The following ERI1 variants were observed in gnomAD, a reference collection of about 807,000 sequenced individuals.
The protein encoded by ERI1 is exoribonuclease 1.
Under a neutral mutation model 39.7 loss-of-function variants are expected in ERI1, and 39 were observed. The observed-to-expected ratio is 0.98, with a 90% CI of 0.76 to 1.28. The LOEUF is 1.28. Among genes scored for constraint, ERI1 ranks in the 50% most tolerant of loss-of-function variants. The pLI is 0.00. For synonymous variants in ERI1, 204 were observed against 149.6 expected, an observed-to-expected ratio of 1.36 and a Z score of -2.65; for missense variants, 581 against 416.9, an observed-to-expected ratio of 1.39 and a Z score of -3.43.
intron 3 of ERI1, among the ~76,000 whole-genome samples, chr8:9,099,027 G>T (rs1027589906): frequency 5.9e-4 from 89 of 152,038 alleles, no homozygotes; most frequent in Admixed American, 1.8e-3. Context: ...TAGAGACAGG[G>T]TTTCACCATT....
intron 6 of ERI1, among the ~76,000 whole-genome samples, chr8:9,023,140 G>C (rs1444648394): frequency 6.6e-6 from 1 of 151,990 alleles, no homozygotes; most frequent in Non-Finnish European, 1.5e-5. Flanking sequence ...GATATGTTTG[G>C]TATGTTAATA....
chr8:9,021,020 C>A, intron 6 of ERI1, among the ~76,000 whole-genome samples: 1 of 152,188 alleles, frequency 6.6e-6, no homozygotes, highest in East Asian at 1.9e-4. Flanking sequence ...AATTCCTGCC[C>A]TGAAAGATCA....
chr8:9,087,502 C>T (rs1278925939), intron 3 of ERI1, among the ~76,000 whole-genome samples: 1 of 150,960 alleles, frequency 6.6e-6, no homozygotes, highest in Non-Finnish European at 1.5e-5. Flanking sequence ...ACCTTAGGCC[C>T]ACCTCGGCCT....
At chr8:9,019,910 T>C (rs1281369946) in intron 5 of ERI1, among the ~76,000 whole-genome samples, 1 of 152,212 alleles carries the variant, frequency 6.6e-6, no homozygotes, top group African/African-American at 2.4e-5. Context: ...ATAAATTGGT[T>C]AGTGTTATAG....
intron 3 of ERI1, among the ~76,000 whole-genome samples, chr8:9,051,208 C>T (rs1349357947): frequency 6.6e-6 from 1 of 151,320 alleles, no homozygotes; most frequent in Non-Finnish European, 1.5e-5. Flanking sequence ...TTATTTCTTA[C>T]AGTATGGTGG....
At chr8:9,043,485 C>T (rs768087674) in intron 3 of ERI1, among the ~76,000 whole-genome samples, 6 of 152,250 alleles carry the variant, frequency 3.9e-5, no homozygotes, top group Admixed American at 6.5e-5. Flanking sequence ...AGTTCAGGAA[C>T]ATCTCTTATG....
At position 9,015,722 on chromosome 8, in the gene ERI1, CAAAAA is replaced by C. The variant is rs758835506; in HGVS notation, c.499-585_499-581del. Among the ~76,000 whole-genome samples, 81 of 56,586 alleles carry C rather than the reference CAAAAA, an allele frequency of 1.4e-3. 1 individual carries two copies. The highest frequency in any genetic ancestry group is 6.0e-3 in the African/African-American group (74 of 12,274). The allele number at this position is 56,586 out of a possible 152,430, so 37.1% of individuals were successfully genotyped here. A position where few individuals can be genotyped will look rare whatever the true frequency, so the allele number is the denominator to read the frequency against. On this transcript the variant is annotated intron_variant, in intron 3 of 6. Coordinates refer to ENST00000250263, the MANE Select transcript of ERI1 (RefSeq NM_153332.4). Reference sequence around the variant, plus strand: ...GGGAGACAGAGCGAGACTCTGTCTCCAAAAAAAAAAAAAAAAAAAGAGACCATCGT... The same window carrying C: ...GGGAGACAGAGCGAGACTCTGTCTCCAAAAAAAAAAAAAAGAGACCATCGT...
rs1181872248 is a variant in ERI1 at position 9,021,771 on chromosome 8, TTTG to T, written c.807+1310_807+1312del. Among the ~76,000 whole-genome samples the T allele has an allele frequency of 6.6e-3, 543 of 81,812 alleles. 5 individuals carry two copies. The highest frequency in any genetic ancestry group is 0.024 in the African/African-American group (525 of 21,938). The allele number at this position is 81,812 out of a possible 152,430, so 53.7% of individuals were successfully genotyped here. ...TATACTGGCTATATTATTTGTTTTT[TTTG>T]TTTTTTTTTTTTTTTCAATATTATG... On this transcript the variant is annotated intron_variant, in intron 6 of 6. Coordinates refer to ENST00000250263, the MANE Select transcript of ERI1 (RefSeq NM_153332.4).
chr8:9,073,387 A>T (rs968814536), intron 3 of ERI1, among the ~76,000 whole-genome samples: 6 of 152,212 alleles, frequency 3.9e-5, no homozygotes, highest in African/African-American at 1.4e-4. Context: ...ACTTCCAAGA[A>T]GGGTAAGCGT....
intron 3 of ERI1, among the ~76,000 whole-genome samples, chr8:9,088,172 G>A (rs772533294): frequency 6.6e-6 from 1 of 151,772 alleles, no homozygotes; most frequent in Non-Finnish European, 1.5e-5. Context: ...TTCTAACCCC[G>A]AAGAAAGCAG....
chr8:9,008,066 A>T lies in ERI1; in HGVS notation c.205A>T (p.Ile69Phe). Residue 69 changes from isoleucine to phenylalanine, a missense_variant, in exon 2 of 7, where the codon ATT (isoleucine) becomes TTT (phenylalanine). Ile to Phe is a conservative substitution (Grantham distance 21). Transcript: ENST00000250263. ...CTTCAGTGACCCGGTTTACAAAGAG[A>T]TTGCCATTACGAATGGCTGTATTAA... ...SDFSDPVYKE[I>F]AITNGCINRM... The T allele has an allele frequency of 6.2e-7, 1 of 1,610,598 alleles. No individual in the cohort carries two copies. Among genetic ancestry groups the T allele is most frequent in the East Asian group, 2.2e-5 (1 of 44,694 alleles).
intron 4 of ERI1, 112 bp from the exon 5 acceptor site, chr8:9,018,174 ATGAATTTAAAG>A: frequency 1.9e-6 from 1 of 525,700 alleles, no homozygotes; most frequent in South Asian, 3.6e-5. Flanking sequence ...CAAGGAAACC[ATGAATTTAAAG>A]TATCAGCCTT....
chr8:9,044,066 G>A (rs1299618970), intron 3 of ERI1, among the ~76,000 whole-genome samples: 1 of 152,140 alleles, frequency 6.6e-6, no homozygotes, highest in African/African-American at 2.4e-5. Flanking sequence ...TAACCTTTAT[G>A]AGCTCCCAAT....
intron 3 of ERI1, among the ~76,000 whole-genome samples, chr8:9,095,010 C>A (rs1464190030): frequency 3.3e-5 from 5 of 151,954 alleles, no homozygotes; most frequent in Admixed American, 6.6e-5. Flanking sequence ...GGCTTTGGAG[C>A]CAGAAGGTGG....
At chr8:9,020,981 T>C (rs6993811) in intron 6 of ERI1, among the ~76,000 whole-genome samples, 20,836 of 152,118 alleles carry the variant, frequency 0.14, 1,545 homozygotes, top group Middle Eastern at 0.16. Flanking sequence ...CTTATACTAC[T>C]TCTTGACTTT....
Position 9,011,829 on chromosome 8 carries a change from A to C in ERI1, c.498+77A>C. The C allele has an allele frequency of 2.7e-6, 3 of 1,118,034 alleles. No homozygotes were observed. In the Admixed American group the frequency reaches 8.5e-5, roughly 32 times the overall value. The allele number at this position is 1,118,034 out of a possible 1,614,324, so 69.3% of individuals were successfully genotyped here. A position where few individuals can be genotyped will look rare whatever the true frequency, so the allele number is the denominator to read the frequency against. ...GTTTACTGGTTATGTGGAGGACCTC[A>C]TTTGCTTTTTAGCCAGAATTAGACT... is the stretch of plus-strand genomic sequence containing the variant. On this transcript the variant is annotated intron_variant, in intron 3 of 6. Transcript: ENST00000250263.
chr8:9,092,660 C>G (rs541548351), intron 3 of ERI1, among the ~76,000 whole-genome samples: 56 of 152,358 alleles, frequency 3.7e-4, no homozygotes, highest in African/African-American at 1.3e-3. Flanking sequence ...GGAACCAGGG[C>G]TGTGAGCAGT....
intron 3 of ERI1, among the ~76,000 whole-genome samples, chr8:9,041,106 A>G (rs142897774): frequency 3.3e-4 from 50 of 152,328 alleles, no homozygotes; most frequent in Middle Eastern, 3.4e-3. Flanking sequence ...CCTAAAACGC[A>G]TGAAGAGTAC....
At chr8:9,053,706 C>G (rs938459429) in intron 3 of ERI1, among the ~76,000 whole-genome samples, 1 of 152,086 alleles carries the variant, frequency 6.6e-6, no homozygotes, top group Admixed American at 6.5e-5. Context: ...GGAACTGAGG[C>G]CTTGGTTTGT....
Sources: allele counts gnomAD v4.1 joint callset (sites outside exome capture counted in the v4.1 genomes callset), GRCh38; gene constraint gnomAD v4.1.1; transcripts MANE v1.5; gene names NCBI Gene and HGNC (gene_info 2026-07-23, HGNC 2026-07-21).